The following BBS4 variants were observed in gnomAD, a reference collection of about 807,000 sequenced individuals.
The protein encoded by BBS4 is BBSome complex member BBS4.
In BBS4, 58 loss-of-function variants were observed where a neutral mutation model predicts 71.4. The ratio of observed to expected loss-of-function variants is 0.81; its 90% CI spans 0.66 to 1.01. The LOEUF is 1.01. Ranked by LOEUF, BBS4 falls within the 50% of genes least tolerant of loss-of-function variation. BBS4 has a pLI of 0.00. For synonymous variants in BBS4, 228 were observed against 216.8 expected (o/e 1.05, Z -0.46); for missense variants, 660 against 607.9 (o/e 1.09, Z -0.90).
intron 3 of BBS4, among the ~76,000 whole-genome samples, chr15:72,711,423 A>G (rs1462813713): frequency 6.6e-6 from 1 of 152,190 alleles, no homozygotes; most frequent in East Asian, 1.9e-4. Flanking sequence ...TGCTGGGATT[A>G]CATGCGTGAG....
intron 1 of BBS4, among the ~76,000 whole-genome samples, chr15:72,690,910 A>G (rs1407526827): frequency 6.6e-6 from 1 of 152,156 alleles, no homozygotes; most frequent in Admixed American, 6.6e-5. Context: ...GTTGTAGTGG[A>G]TGGGTAGTGA....
chr15:72,730,336 C>T (rs2065790188), intron 10 of BBS4, among the ~76,000 whole-genome samples: 1 of 151,780 alleles, frequency 6.6e-6, no homozygotes, highest in Admixed American at 6.6e-5. Flanking sequence ...GTGGCTTATG[C>T]CTGTAATCCC....
intron 8 of BBS4, 21 bp downstream of exon 8, chr15:72,724,676 TA>T (rs1298399642): frequency 3.7e-6 from 6 of 1,613,244 alleles, no homozygotes; most frequent in Non-Finnish European, 4.2e-6. Context: ...CTGTTTCCTT[TA>T]AAACAGTGAG....
At position 72,729,603 on chromosome 15, in the gene BBS4, C is replaced by CT. The variant is rs761352335; in HGVS notation, c.643-6dup. 1.9e-6 allele frequency: 3 copies of CT among 1,613,452 alleles called. No individual in the cohort carries two copies. Among genetic ancestry groups the CT allele is most frequent in the Admixed American group, 1.7e-5 (1 of 59,986 alleles). On this transcript the variant is annotated splice_polypyrimidine_tract_variant and intron_variant, in intron 9 of 15. Transcript: ENST00000268057. ...TTGCTGATGTAAATTGTCTTGTTTGCTTTTTTTCCAAGCTCGGCATTTACC... is the reference window on the plus strand; with the variant it reads ...TTGCTGATGTAAATTGTCTTGTTTGCTTTTTTTTCCAAGCTCGGCATTTACC...
chr15:72,698,185 T>C, intron 2 of BBS4: 2 of 293,904 alleles, frequency 6.8e-6, no homozygotes, highest in Non-Finnish European at 1.4e-5. Flanking sequence ...AAACCTGATC[T>C]CAGCTTGATA....
rs538101109 is a variant in BBS4, at chr15:72,689,022, CAGAA to C, written c.24+2777_24+2780del. ...CCTATTAAACCTCCATTCCTAAACT[CAGAA>C]AGAAAAAAAAAAAAAGAGAATGTTA... On this transcript the variant is annotated intron_variant, in intron 1 of 15. Transcript: ENST00000268057. 3.6e-4 allele frequency among the ~76,000 whole-genome samples: 53 copies of C among 148,494 alleles called. 1 individual carries two copies. The South Asian group carries it at 0.011, about 30-fold the overall frequency.
chr15:72,716,347 T>G (rs769509967), intron 5 of BBS4, among the ~76,000 whole-genome samples: 15 of 152,198 alleles, frequency 9.9e-5, no homozygotes, highest in Non-Finnish European at 2.1e-4. Context: ...TAGAGCTTGG[T>G]TTTCCCTGTT....
intron 8 of BBS4, among the ~76,000 whole-genome samples, chr15:72,726,810 T>C (rs1041872666): frequency 1.3e-5 from 2 of 152,212 alleles, no homozygotes; most frequent in African/African-American, 4.8e-5. Context: ...CTTCTAGAGG[T>C]TAGCTCTTTG....
At chr15:72,697,634 T>C (rs2065099237) in intron 2 of BBS4, among the ~76,000 whole-genome samples, 3 of 152,176 alleles carry the variant, frequency 2.0e-5, no homozygotes, top group African/African-American at 4.8e-5. Context: ...AGTTGGTAAG[T>C]GCATAAAGAA....
At position 72,695,162 on chromosome 15, in the gene BBS4, C is replaced by A; in HGVS notation, c.25-15C>A. The A allele has an allele frequency of 6.3e-7, 1 of 1,592,640 alleles. No individual in the cohort carries two copies. The highest frequency in any genetic ancestry group is 8.6e-7 in the Non-Finnish European group (1 of 1,161,680). On this transcript the variant is annotated splice_polypyrimidine_tract_variant and intron_variant, in intron 1 of 15. Coordinates refer to ENST00000268057, the MANE Select transcript of BBS4 (RefSeq NM_033028.5). ...TATTGTGGTGCTTCAATATAGACTA[C>A]TTATTTCATTTCAGAGAACTCAATT...
chr15:72,710,874 C>T lies in BBS4; in HGVS notation c.156+1095C>T, dbSNP rs1330783664. ...GGCGCAATCTCGGCTCACTGCAACC[C>T]CCGCTTTCCAGTTTCAAGCAATTCT... On this transcript the variant is annotated intron_variant, in intron 3 of 15. Coordinates refer to ENST00000268057, the MANE Select transcript of BBS4 (RefSeq NM_033028.5). 3.3e-5 allele frequency among the ~76,000 whole-genome samples: 5 copies of T among 151,600 alleles called. No homozygotes were observed. In the East Asian group the frequency reaches 5.9e-4, roughly 18 times the overall value.
At chr15:72,707,487 AT>A (rs1474044461) in intron 2 of BBS4, among the ~76,000 whole-genome samples, 1 of 152,024 alleles carries the variant, frequency 6.6e-6, no homozygotes, top group Non-Finnish European at 1.5e-5. Flanking sequence ...CCTCTTTTCC[AT>A]TTTTAAAAAG....
intron 10 of BBS4, among the ~76,000 whole-genome samples, chr15:72,730,942 A>G (rs2065804715): frequency 6.6e-6 from 1 of 152,182 alleles, no homozygotes; most frequent in Non-Finnish European, 1.5e-5. Context: ...GGTATACCAA[A>G]TAGGGGCTGC....
intron 1 of BBS4, among the ~76,000 whole-genome samples, chr15:72,690,579 A>G (rs1266758005): frequency 2.0e-5 from 3 of 152,226 alleles, no homozygotes; most frequent in African/African-American, 7.2e-5. Context: ...TTTAAAAAAC[A>G]GTTTTGTTGA....
chr15:72,715,431 G>A, intron 5 of BBS4, 29 bp downstream of exon 5: 1 of 1,476,784 alleles, frequency 6.8e-7, no homozygotes, highest in South Asian at 1.1e-5. Flanking sequence ...GAGGCCCTAG[G>A]GCACTCACAG....
intron 4 of BBS4, among the ~76,000 whole-genome samples, chr15:72,714,795 A>G (rs2151022759): frequency 6.6e-6 from 1 of 152,058 alleles, no homozygotes; most frequent in Middle Eastern, 3.4e-3. Context: ...CCTAGGAAAA[A>G]CCTCTGGTTC....
intron 1 of BBS4, among the ~76,000 whole-genome samples, chr15:72,693,656 A>T (rs2065025333): frequency 1.3e-5 from 2 of 152,100 alleles, no homozygotes; most frequent in South Asian, 2.1e-4. Context: ...TATTTTTTGA[A>T]TTTTTTTAAC....
At chr15:72,687,333 G>T (rs1033940333) in intron 1 of BBS4, among the ~76,000 whole-genome samples, 5 of 152,020 alleles carry the variant, frequency 3.3e-5, no homozygotes, top group African/African-American at 1.2e-4. Context: ...GCCGGACGCG[G>T]TGCATCACGC....
At chr15:72,691,139 G>C (rs765409216) in intron 1 of BBS4, among the ~76,000 whole-genome samples, 7 of 152,002 alleles carry the variant, frequency 4.6e-5, no homozygotes, top group Non-Finnish European at 8.8e-5. Flanking sequence ...TGCAGGCCAC[G>C]CTTGGCTAAT....
Sources: allele counts gnomAD v4.1 joint callset (sites outside exome capture counted in the v4.1 genomes callset), GRCh38; gene constraint gnomAD v4.1.1; transcripts MANE v1.5; gene names NCBI Gene and HGNC (gene_info 2026-07-23, HGNC 2026-07-21).